ANO6: variants seen among roughly 807,000 people sequenced by gnomAD.
ANO6 encodes anoctamin-6.
A neutral mutation model predicts 117.5 loss-of-function variants in ANO6; 106 were observed. That is an observed-to-expected ratio of 0.90 (90% confidence interval 0.77 to 1.06). The LOEUF is 1.06. ANO6 is among the 50% of genes least tolerant of loss of function. The pLI is 0.00. For missense variants in ANO6, 955 were observed against 1,121.1 expected, an observed-to-expected ratio of 0.85 and a Z score of 2.12; for synonymous variants, 367 against 385.1, an observed-to-expected ratio of 0.95 and a Z score of 0.55.
chr12:45,421,134 G>A lies in ANO6; in HGVS notation c.2281G>A (p.Val761Ile), dbSNP rs200880993. 191 of 1,613,748 alleles carry A rather than the reference G, an allele frequency of 1.2e-4. No individual in the cohort carries two copies. The highest frequency in any genetic ancestry group is 1.5e-4 in the Non-Finnish European group (181 of 1,179,964). ...CCTAGTGTACTACTGGTCCTTCTCC[G>A]TCCCTCCCTACGGGGACCACACTTC... ...PRLVYYWSFS[V>I]PPYGDHTSYT... Residue 761 changes from valine to isoleucine, a missense_variant, in exon 18 of 20, where the codon GTC becomes ATC. Val to Ile is a conservative substitution (Grantham distance 29). Coordinates refer to ENST00000320560, the MANE Select transcript of ANO6 (RefSeq NM_001025356.3).
intron 10 of ANO6, among the ~76,000 whole-genome samples, chr12:45,384,182 CCT>C (rs1253926204): frequency 1.3e-5 from 2 of 152,232 alleles, no homozygotes; most frequent in Admixed American, 6.5e-5. Flanking sequence ...AGCTTCCTCA[CCT>C]CTCTCAGCCT....
At chr12:45,290,934 G>A (rs1319667557) in intron 1 of ANO6, among the ~76,000 whole-genome samples, 1 of 152,130 alleles carries the variant, frequency 6.6e-6, no homozygotes, top group African/African-American at 2.4e-5. Flanking sequence ...CTTGGGTACA[G>A]ATAGATATAT....
At position 45,401,895 on chromosome 12, in the gene ANO6, A is replaced by G. The variant is rs1474428388; in HGVS notation, c.1487A>G (p.Asp496Gly). ...CTTCCCAAGAACATTAATGGAACAG[A>G]CCCAATCCAGAAATACCTGACTCCA... is the stretch of plus-strand genomic sequence containing the variant. The part of the protein sequence containing the change: ...AKLPKNINGT[D>G]PIQKYLTPQT... Residue 496 changes from aspartate (D) to glycine (G), a missense_variant, in exon 13 of 20, where the codon GAC becomes GGC. Physicochemically the swap from Asp to Gly is moderately conservative, Grantham distance 94. Coordinates refer to ENST00000320560, the MANE Select transcript of ANO6 (RefSeq NM_001025356.3). 2 of 1,613,852 alleles carry G rather than the reference A, an allele frequency of 1.2e-6. No individual in the cohort carries two copies. The highest frequency in any genetic ancestry group is 1.7e-6 in the Non-Finnish European group (2 of 1,179,944).
At chr12:45,261,842 G>T (rs1938045880) in intron 1 of ANO6, among the ~76,000 whole-genome samples, 1 of 152,132 alleles carries the variant, frequency 6.6e-6, no homozygotes, top group Non-Finnish European at 1.5e-5. Flanking sequence ...CATCTGAAAG[G>T]CATACTTTCT....
rs936465038 is a variant in ANO6 at position 45,262,545 on chromosome 12, C to G, written c.71-39469C>G. Among the ~76,000 whole-genome samples, 12 of 152,150 alleles carry G rather than the reference C, an allele frequency of 7.9e-5. No individual in the cohort carries two copies. The East Asian group carries it at 2.3e-3, about 29-fold the overall frequency. On this transcript the variant is annotated intron_variant, in intron 1 of 19. Transcript: ENST00000320560. ...CTTCAAGCAATTCTCTTGCCTCAGC[C>G]TCCCGAGCAGCTGGGATTACAGGTG...
At chr12:45,329,797 A>T (rs752760122) in intron 2 of ANO6, among the ~76,000 whole-genome samples, 1 of 152,086 alleles carries the variant, frequency 6.6e-6, no homozygotes, top group African/African-American at 2.4e-5. Flanking sequence ...TCCTCTAGCA[A>T]TAGCCCTGGT....
chr12:45,294,849 G>C (rs1314326068), intron 1 of ANO6, among the ~76,000 whole-genome samples: 3 of 152,200 alleles, frequency 2.0e-5, no homozygotes, highest in African/African-American at 7.2e-5. Flanking sequence ...TGTCAAGATA[G>C]AAGTCAGAAG....
chr12:45,359,993 G>T (rs73281514), intron 8 of ANO6, among the ~76,000 whole-genome samples: 1 of 152,132 alleles, frequency 6.6e-6, no homozygotes, highest in African/African-American at 2.4e-5. Flanking sequence ...TTGCAGTTTT[G>T]ACTTTGTTTT....
Position 45,350,851 on chromosome 12 carries a change from C to T in ANO6, c.863+77C>T, listed in dbSNP as rs920018515. On this transcript the variant is annotated intron_variant, in intron 7 of 19. Coordinates refer to ENST00000320560, the MANE Select transcript of ANO6 (RefSeq NM_001025356.3). ...CACAGCATCTGAATGTGACAGTACT[C>T]ATCAAGACTCTTGCCAGTGAAGGGA... The T allele has an allele frequency of 8.2e-6, 10 of 1,220,298 alleles. No individual in the cohort carries two copies. In the East Asian group the frequency reaches 1.5e-4, roughly 18 times the overall value. The allele number at this position is 1,220,298 out of a possible 1,614,324, so 75.6% of individuals were successfully genotyped here.
intron 2 of ANO6, among the ~76,000 whole-genome samples, chr12:45,329,057 A>T (rs1032735128): frequency 1.3e-5 from 2 of 152,188 alleles, no homozygotes; most frequent in African/African-American, 2.4e-5. Flanking sequence ...ATTCCCATAC[A>T]GTAAGTCAAT....
chr12:45,306,837 G>C (rs571161383), intron 2 of ANO6, among the ~76,000 whole-genome samples: 72 of 151,784 alleles, frequency 4.7e-4, no homozygotes, highest in Admixed American at 1.4e-3. Context: ...GTATGTGTTG[G>C]GGGGGTGGTG....
intron 1 of ANO6, among the ~76,000 whole-genome samples, chr12:45,251,355 C>T (rs1947898508): frequency 6.6e-6 from 1 of 152,182 alleles, no homozygotes; most frequent in African/African-American, 2.4e-5. Flanking sequence ...CGAATTAAGG[C>T]AACAGCCATT....
rs754237803 is a variant in ANO6, at chr12:45,421,269, T to C, written c.2416T>C (p.Cys806Arg). 1 of 1,614,010 alleles carries C rather than the reference T, an allele frequency of 6.2e-7. No homozygotes were observed. The highest frequency in any genetic ancestry group is 8.5e-7 in the Non-Finnish European group (1 of 1,179,910). ...PYSDLGNHTT[C>R]RYRDFRYPPG... ...CTCTGACCTGGGTAACCATACCACA[T>C]GCAGGCAAGTTCTGCTTTACTTGTT... Residue 806 changes from cysteine (C) to arginine (R), a missense_variant, in exon 18 of 20, where the codon TGC (cysteine) becomes CGC (arginine). By Grantham distance (180) the Cys-to-Arg change is radical (BLOSUM62 -3). Coordinates refer to ENST00000320560, the MANE Select transcript of ANO6 (RefSeq NM_001025356.3).
chr12:45,439,962 A>G, exon 20 of ANO6: 1 of 1,458,768 alleles, frequency 6.9e-7, no homozygotes, highest in Non-Finnish European at 9.0e-7. Flanking sequence ...TTCATTCAAC[A>G]AATATTTGTG....
intron 1 of ANO6, among the ~76,000 whole-genome samples, chr12:45,228,884 A>G (rs929725208): frequency 2.0e-5 from 3 of 150,856 alleles, no homozygotes; most frequent in Non-Finnish European, 4.4e-5. Context: ...ATTGGAGATT[A>G]TCTTGGGTCT....
intron 1 of ANO6, among the ~76,000 whole-genome samples, chr12:45,246,566 A>T (rs780360997): frequency 1.3e-5 from 2 of 152,168 alleles, no homozygotes; most frequent in Non-Finnish European, 2.9e-5. Flanking sequence ...ATTCTGTCAG[A>T]TTTAGGGAAT....
chr12:45,364,514 G>T (rs1052904958), intron 8 of ANO6, among the ~76,000 whole-genome samples: 1 of 152,082 alleles, frequency 6.6e-6, no homozygotes, highest in Non-Finnish European at 1.5e-5. Flanking sequence ...CCATTTCTCA[G>T]ATTGGATAAT....
intron 1 of ANO6, among the ~76,000 whole-genome samples, chr12:45,295,271 A>C (rs1372411549): frequency 2.0e-5 from 3 of 152,246 alleles, no homozygotes; most frequent in African/African-American, 4.8e-5. Context: ...TATACTCTGC[A>C]AGCCTACAAC....
In ANO6 at chr12:45,308,048, A is replaced by ATTTTTTTTTTTTTTT. The variant is rs1218638312; in HGVS notation, c.150+5965_150+5979dup. On this transcript the variant is annotated intron_variant, in intron 2 of 19. Transcript: ENST00000320560. ...GTGTGTGTCTGTGTGTGTGTGTGTAATTTTTTTTTTTTTTTTTTTTTTTTG... is the reference window on the plus strand; with the variant it reads ...GTGTGTGTCTGTGTGTGTGTGTGTAATTTTTTTTTTTTTTTTTTTTTTTTTTTTTTTTTTTTTTTG... 1.4e-4 allele frequency among the ~76,000 whole-genome samples: 10 copies of ATTTTTTTTTTTTTTT among 69,306 alleles called. 1 individual carries two copies. Among genetic ancestry groups the ATTTTTTTTTTTTTTT allele is most frequent in the Non-Finnish European group, 2.3e-4 (9 of 39,104 alleles). 45.5% of individuals were successfully genotyped at this position (69,306 alleles called of 152,430 possible).
Sources: allele counts gnomAD v4.1 joint callset (sites outside exome capture counted in the v4.1 genomes callset), GRCh38; gene constraint gnomAD v4.1.1; transcripts MANE v1.5; gene names NCBI Gene and HGNC (gene_info 2026-07-23, HGNC 2026-07-21).